The following NRG3 variants were observed in gnomAD, a reference collection of about 807,000 sequenced individuals.
NRG3 encodes pro-neuregulin-3, membrane-bound isoform.
In NRG3, 31 loss-of-function variants were observed where a neutral mutation model predicts 66.9. That is an observed-to-expected ratio of 0.46 (90% confidence interval 0.35 to 0.63). The LOEUF is 0.63. NRG3 is among the 20% of genes least tolerant of loss of function. The pLI, the probability that NRG3 is intolerant of heterozygous loss-of-function variation, is 0.00. For missense variants in NRG3, 910 were observed against 878.9 expected, an observed-to-expected ratio of 1.04 and a Z score of -0.45; for synonymous variants, 393 against 359.4, an observed-to-expected ratio of 1.09 and a Z score of -1.06.
chr10:82,336,350 C>G (rs17099814), intron 1 of NRG3, among the ~76,000 whole-genome samples: 6,964 of 152,096 alleles, frequency 0.046, 528 homozygotes, highest in African/African-American at 0.15. Flanking sequence ...GAAACAGCTT[C>G]AGACAACACA....
chr10:82,171,503 G>C (rs1271336701), intron 1 of NRG3, among the ~76,000 whole-genome samples: 3 of 152,104 alleles, frequency 2.0e-5, no homozygotes, highest in Non-Finnish European at 4.4e-5. Context: ...AGGGGAAGCA[G>C]TTATCTTGCA....
At chr10:82,623,765 G>T (rs1050619865) in intron 2 of NRG3, among the ~76,000 whole-genome samples, 13 of 152,130 alleles carry the variant, frequency 8.5e-5, no homozygotes, top group Admixed American at 2.6e-4. Context: ...TCCCTACCCA[G>T]TGTTCTGGGA....
At chr10:82,697,800 C>T (rs1017597909) in intron 2 of NRG3, among the ~76,000 whole-genome samples, 3 of 152,030 alleles carry the variant, frequency 2.0e-5, no homozygotes, top group African/African-American at 7.3e-5. Context: ...GAGGGGCCTC[C>T]AGACCTCATT....
chr10:82,449,726 A>T (rs2090923979), intron 2 of NRG3, among the ~76,000 whole-genome samples: 1 of 152,170 alleles, frequency 6.6e-6, no homozygotes, highest in Non-Finnish European at 1.5e-5. Flanking sequence ...GTGTGGTCGC[A>T]GGCTGTCATT....
chr10:81,892,259 T>C (rs941029470), intron 1 of NRG3, among the ~76,000 whole-genome samples: 1 of 152,124 alleles, frequency 6.6e-6, no homozygotes, highest in Non-Finnish European at 1.5e-5. Context: ...ACACTTTATG[T>C]AAATATATAC....
At chr10:82,005,897 T>TTTTGTGTG (rs1554882118) in intron 1 of NRG3, among the ~76,000 whole-genome samples, 3 of 148,846 alleles carry the variant, frequency 2.0e-5, no homozygotes, top group South Asian at 2.1e-4. Flanking sequence ...AATGTGTATT[T>TTTTGTGTG]TGTGTGTGTG....
At chr10:82,287,220 A>T (rs971739753) in intron 1 of NRG3, among the ~76,000 whole-genome samples, 4 of 151,912 alleles carry the variant, frequency 2.6e-5, no homozygotes, top group Admixed American at 1.3e-4. Context: ...TGTCCCGGTG[A>T]TACTGAGTAA....
chr10:82,127,125 A>G lies in NRG3; in HGVS notation c.824-231614A>G, dbSNP rs369204392. ...GGAGATCCATGGGCCATGCGGCTTC[A>G]GCTCCATGCAGAGGGTGGCTGCAGG... On this transcript the variant is annotated intron_variant, in intron 1 of 8. Coordinates refer to ENST00000372141, the MANE Select transcript of NRG3 (RefSeq NM_001010848.4). Among the ~76,000 whole-genome samples, 3 of 152,242 alleles carry G rather than the reference A, an allele frequency of 2.0e-5. No homozygotes were observed. In the East Asian group the frequency reaches 5.8e-4, roughly 29 times the overall value.
chr10:82,211,365 A>G (rs1035142301), intron 1 of NRG3, among the ~76,000 whole-genome samples: 1 of 152,194 alleles, frequency 6.6e-6, no homozygotes, highest in African/African-American at 2.4e-5. Context: ...GAGTTAAAGA[A>G]ACTTCTGGGC....
chr10:82,067,102 A>G lies in NRG3; in HGVS notation c.823+190939A>G, dbSNP rs557246878. ...AATTTTTCTCAGTTTGATTTTTTTT[A>G]AAAAATGGCAAATATAACAAACCCC... On this transcript the variant is annotated intron_variant, in intron 1 of 8. Coordinates refer to ENST00000372141, the MANE Select transcript of NRG3 (RefSeq NM_001010848.4). 2.0e-5 allele frequency among the ~76,000 whole-genome samples: 3 copies of G among 152,068 alleles called. No homozygotes were observed. In the East Asian group the frequency reaches 5.8e-4, roughly 29 times the overall value.
At chr10:82,846,436 T>A (rs537982522) in intron 3 of NRG3, among the ~76,000 whole-genome samples, 13 of 152,248 alleles carry the variant, frequency 8.5e-5, no homozygotes, top group East Asian at 3.9e-4. Context: ...AAATACATTT[T>A]AAAAAAATGC....
At chr10:82,487,247 T>C (rs1346109630) in intron 2 of NRG3, among the ~76,000 whole-genome samples, 1 of 151,990 alleles carries the variant, frequency 6.6e-6, no homozygotes, top group East Asian at 1.9e-4. Context: ...TAAGTCAGTA[T>C]AAAAGCCAGA....
At chr10:81,898,423 G>A (rs1455358231) in intron 1 of NRG3, among the ~76,000 whole-genome samples, 2 of 152,200 alleles carry the variant, frequency 1.3e-5, no homozygotes, top group African/African-American at 4.8e-5. Context: ...CCTGAGGTGA[G>A]GCTGTCCCTG....
intron 3 of NRG3, among the ~76,000 whole-genome samples, chr10:82,761,122 A>G (rs984063051): frequency 2.0e-5 from 3 of 151,964 alleles, no homozygotes; most frequent in Non-Finnish European, 2.9e-5. Flanking sequence ...CTTTGAGAAG[A>G]AAATATAGAA....
At position 82,919,298 on chromosome 10, in the gene NRG3, G is replaced by A. The variant is rs551347324; in HGVS notation, c.1055-32171G>A. 1.8e-4 allele frequency among the ~76,000 whole-genome samples: 28 copies of A among 152,136 alleles called. No homozygotes were observed. In the South Asian group the frequency reaches 5.0e-3, roughly 27 times the overall value. ...GTATACATCTAGACTGGCAATTGAC[G>A]GAGATATGCTCCAAGAGAGCAAAGC... On this transcript the variant is annotated intron_variant, in intron 4 of 8. Transcript: ENST00000372141.
intron 4 of NRG3, among the ~76,000 whole-genome samples, chr10:82,916,286 T>C (rs1845824722): frequency 1.3e-5 from 2 of 152,112 alleles, no homozygotes; most frequent in Non-Finnish European, 2.9e-5. Context: ...GCCCCATCTC[T>C]ACAAAAATAA....
chr10:82,569,540 G>A (rs1429479712), intron 2 of NRG3, among the ~76,000 whole-genome samples: 1 of 151,710 alleles, frequency 6.6e-6, no homozygotes, highest in Non-Finnish European at 1.5e-5. Flanking sequence ...CTGGTTTTAA[G>A]TCTACAGTGG....
chr10:82,362,555 T>G lies in NRG3; in HGVS notation c.953+3687T>G, dbSNP rs113365354. Among the ~76,000 whole-genome samples, 40 of 143,084 alleles carry G rather than the reference T, an allele frequency of 2.8e-4. 1 individual carries two copies. Among genetic ancestry groups the G allele is most frequent in the African/African-American group, 7.9e-4 (30 of 38,112 alleles). 93.9% of individuals were successfully genotyped at this position (143,084 alleles called of 152,430 possible). On this transcript the variant is annotated intron_variant, in intron 2 of 8. Coordinates refer to ENST00000372141, the MANE Select transcript of NRG3 (RefSeq NM_001010848.4). ...TGCCCAGATAATTTCTGGGTTTTTT[T>G]TTTTTTTTTTTTTTCGTAGAAATGG...
At chr10:82,149,278 A>G (rs2070509601) in intron 1 of NRG3, among the ~76,000 whole-genome samples, 1 of 152,160 alleles carries the variant, frequency 6.6e-6, no homozygotes, top group Admixed American at 6.5e-5. Context: ...TAAAAATAAC[A>G]CTTAATACAT....
Sources: gnomAD v4.1 joint callset for allele counts (sites outside exome capture counted in the v4.1 genomes callset) on GRCh38, gnomAD v4.1.1 for gene constraint, MANE v1.5 for transcripts, NCBI Gene and HGNC (gene_info 2026-07-23, HGNC 2026-07-21) for gene names.